EPHB1: variants seen among roughly 807,000 people sequenced by gnomAD.
The protein encoded by EPHB1 is EPH receptor B1, also known as ephrin type-B receptor 1.
A neutral mutation model predicts 94.4 loss-of-function variants in EPHB1; 30 were observed. The observed-to-expected ratio is 0.32, with a 90% CI of 0.24 to 0.43. EPHB1 has a LOEUF of 0.43. Ranked by LOEUF, EPHB1 falls within the 20% of genes least tolerant of loss-of-function variation. EPHB1 has a pLI of 1.00. For synonymous variants in EPHB1, 522 were observed against 489.1 expected (o/e 1.07, Z -0.89); for missense variants, 1,055 against 1,308.3 (o/e 0.81, Z 2.99).
At chr3:135,027,478 G>A (rs1301777160) in intron 3 of EPHB1, among the ~76,000 whole-genome samples, 8 of 148,390 alleles carry the variant, frequency 5.4e-5, no homozygotes, top group African/African-American at 1.5e-4. Flanking sequence ...ATAATCATGT[G>A]GTTTTTGTCT....
chr3:135,032,989 C>G (rs754607146), intron 3 of EPHB1, among the ~76,000 whole-genome samples: 1 of 152,198 alleles, frequency 6.6e-6, no homozygotes, highest in African/African-American at 2.4e-5. Context: ...CTTTTCTCTT[C>G]TTTATTGTCA....
At chr3:135,073,860 A>G (rs934627214) in intron 3 of EPHB1, among the ~76,000 whole-genome samples, 2 of 151,832 alleles carry the variant, frequency 1.3e-5, no homozygotes, top group African/African-American at 4.8e-5. Flanking sequence ...GTTGCATTCC[A>G]GTGGTGGTGT....
At chr3:134,922,062 G>A (rs547708495) in intron 1 of EPHB1, among the ~76,000 whole-genome samples, 2 of 152,276 alleles carry the variant, frequency 1.3e-5, no homozygotes, top group African/African-American at 4.8e-5. Context: ...GAGGGTGGTG[G>A]GCATGGGTCC....
intron 1 of EPHB1, among the ~76,000 whole-genome samples, chr3:134,801,319 C>T (rs1441896653): frequency 6.6e-6 from 1 of 152,200 alleles, no homozygotes; most frequent in Non-Finnish European, 1.5e-5. Flanking sequence ...TATATTCGTT[C>T]CTCTCTCTGC....
intron 6 of EPHB1, among the ~76,000 whole-genome samples, chr3:135,155,268 A>G (rs1486663597): frequency 6.6e-6 from 1 of 152,170 alleles, no homozygotes; most frequent in African/African-American, 2.4e-5. Context: ...ATAATTAAGT[A>G]GAGGGGTAGA....
chr3:135,085,435 G>T (rs2107788859), intron 3 of EPHB1, among the ~76,000 whole-genome samples: 1 of 152,322 alleles, frequency 6.6e-6, no homozygotes, highest in Admixed American at 6.5e-5. Flanking sequence ...AAAGCTTCTG[G>T]AGGGCTGAAG....
intron 3 of EPHB1, among the ~76,000 whole-genome samples, chr3:135,064,615 G>T (rs899939471): frequency 2.0e-5 from 3 of 151,972 alleles, no homozygotes; most frequent in Non-Finnish European, 4.4e-5. Context: ...CTTGCTAATG[G>T]TCTATCAATT....
chr3:135,041,609 G>C (rs1042551899), intron 3 of EPHB1, among the ~76,000 whole-genome samples: 1 of 152,184 alleles, frequency 6.6e-6, no homozygotes, highest in Non-Finnish European at 1.5e-5. Context: ...AAATAGGATA[G>C]GGTTGCTAGC....
intron 2 of EPHB1, among the ~76,000 whole-genome samples, chr3:134,949,050 T>C (rs538804002): frequency 6.6e-6 from 1 of 152,164 alleles, no homozygotes; most frequent in East Asian, 1.9e-4. Flanking sequence ...CAGGGAGAGA[T>C]GCTGGTGGGT....
At chr3:134,824,369 A>C (rs1378848260) in intron 1 of EPHB1, among the ~76,000 whole-genome samples, 1 of 151,996 alleles carries the variant, frequency 6.6e-6, no homozygotes, top group Non-Finnish European at 1.5e-5. Context: ...GTTGGTGCAC[A>C]CTGGGTTTGA....
intron 10 of EPHB1, among the ~76,000 whole-genome samples, chr3:135,190,242 C>G (rs1335813734): frequency 2.0e-5 from 3 of 152,212 alleles, no homozygotes; most frequent in Admixed American, 2.0e-4. Flanking sequence ...AAGTGCCTAG[C>G]ACAGTTCCTG....
intron 3 of EPHB1, among the ~76,000 whole-genome samples, chr3:135,061,812 T>C (rs1937514665): frequency 6.6e-6 from 1 of 152,158 alleles, no homozygotes; most frequent in Admixed American, 6.5e-5. Context: ...GTGTTCTCAT[T>C]GTTCAATTCC....
chr3:134,930,389 A>C (rs573497622), intron 2 of EPHB1, among the ~76,000 whole-genome samples: 40 of 152,376 alleles, frequency 2.6e-4, no homozygotes, highest in African/African-American at 9.6e-4. Flanking sequence ...AATCTAAATC[A>C]GGGGCTACCT....
intron 1 of EPHB1, among the ~76,000 whole-genome samples, chr3:134,847,687 G>C (rs2036901925): frequency 6.6e-6 from 1 of 152,224 alleles, no homozygotes; most frequent in African/African-American, 2.4e-5. Context: ...ATCCTCACGA[G>C]TATCACAGAG....
At chr3:135,076,234 G>GATATATATATATATATATATATATAT (rs60727518) in intron 3 of EPHB1, among the ~76,000 whole-genome samples, 1 of 131,176 alleles carries the variant, frequency 7.6e-6, no homozygotes, top group African/African-American at 3.7e-5. Flanking sequence ...TCTGAAAAGG[G>GATATATATATATATATATATATATAT]ATATATATAT....
chr3:135,017,433 T>C lies in EPHB1; in HGVS notation c.805+65381T>C, dbSNP rs116412553. Reference sequence around the variant, plus strand: ...GTGTGTGAGTGAGAGAGAGAATAAATCATTATTTCACTGGCAGCCGGAGCC... The same window carrying C: ...GTGTGTGAGTGAGAGAGAGAATAAACCATTATTTCACTGGCAGCCGGAGCC... On this transcript the variant is annotated intron_variant, in intron 3 of 15. Coordinates refer to ENST00000398015, the MANE Select transcript of EPHB1 (RefSeq NM_004441.5). 8.6e-3 allele frequency among the ~76,000 whole-genome samples: 1,308 copies of C among 152,250 alleles called. 8 individuals are homozygous for C. Among genetic ancestry groups the C allele is most frequent in the Non-Finnish European group, 0.013 (896 of 68,008 alleles).
intron 11 of EPHB1, among the ~76,000 whole-genome samples, chr3:135,194,804 A>G (rs188706282): frequency 1.1e-3 from 161 of 152,328 alleles, no homozygotes; most frequent in Middle Eastern, 3.4e-3. Context: ...GTATGGGGTT[A>G]TGCTTTGTAT....
intron 3 of EPHB1, among the ~76,000 whole-genome samples, chr3:135,005,626 A>G (rs1387508205): frequency 6.6e-6 from 1 of 152,084 alleles, no homozygotes; most frequent in Non-Finnish European, 1.5e-5. Flanking sequence ...TGGGTGTAGG[A>G]CCCTCCGAGC....
In EPHB1 at chr3:135,205,652, ATTTGGCAGAGAACAG is replaced by A. The variant is rs200060102; in HGVS notation, c.2346+3965_2346+3979del. Among the ~76,000 whole-genome samples the A allele has an allele frequency of 4.6e-5, 7 of 152,324 alleles. No homozygotes were observed. In the East Asian group the frequency reaches 9.6e-4, roughly 21 times the overall value. On this transcript the variant is annotated intron_variant, in intron 12 of 15. Transcript: ENST00000398015. ...TCAAGCACACAGAGAACTTGATAGA[ATTTGGCAGAGAACAG>A]TCATATGCCTACCACCTAGATTCTG...
Sources: gnomAD v4.1 joint callset for allele counts (sites outside exome capture counted in the v4.1 genomes callset) on GRCh38, gnomAD v4.1.1 for gene constraint, MANE v1.5 for transcripts, NCBI Gene and HGNC (gene_info 2026-07-23, HGNC 2026-07-21) for gene names.